The following PPP2R2B variants were observed in gnomAD, a reference collection of about 807,000 sequenced individuals.
PPP2R2B encodes the protein protein phosphatase 2 regulatory subunit Bbeta, also known as serine/threonine-protein phosphatase 2A 55 kDa regulatory subunit B beta isoform.
Under a neutral mutation model 46.0 loss-of-function variants are expected in PPP2R2B, and 5 were observed. That is an observed-to-expected ratio of 0.11 (90% CI 0.06 to 0.23). The LOEUF (loss-of-function observed/expected upper bound fraction) is 0.23, where lower values mean the gene tolerates loss of function less well. Ranked by LOEUF, PPP2R2B falls within the 10% of genes least tolerant of loss-of-function variation. The pLI, the probability that PPP2R2B is intolerant of heterozygous loss-of-function variation, is 1.00. For missense variants in PPP2R2B, 367 were observed against 575.0 expected, an observed-to-expected ratio of 0.64 and a Z score of 3.70; for synonymous variants, 215 against 206.7, an observed-to-expected ratio of 1.04 and a Z score of -0.34.
chr5:146,729,634 G>T (rs1752108593), intron 2 of PPP2R2B, among the ~76,000 whole-genome samples: 1 of 152,280 alleles, frequency 6.6e-6, no homozygotes, highest in African/African-American at 2.4e-5. Flanking sequence ...TTGGTGCCCT[G>T]TATCCCAGCT....
chr5:146,609,255 G>A (rs1026273056), intron 7 of PPP2R2B, among the ~76,000 whole-genome samples: 38 of 152,206 alleles, frequency 2.5e-4, no homozygotes, highest in African/African-American at 8.2e-4. Context: ...ACGCTGAATG[G>A]GGAAAAAACT....
chr5:146,687,948 T>C (rs1429751055), intron 5 of PPP2R2B, among the ~76,000 whole-genome samples: 1 of 152,206 alleles, frequency 6.6e-6, no homozygotes, highest in Non-Finnish European at 1.5e-5. Context: ...ACACAATTGC[T>C]GGCAATGCAC....
intron 2 of PPP2R2B, among the ~76,000 whole-genome samples, chr5:146,768,100 G>T (rs1172109211): frequency 1.3e-5 from 2 of 151,518 alleles, no homozygotes; most frequent in Non-Finnish European, 2.9e-5. Flanking sequence ...TTGAAACAGG[G>T]TCTTACTCCG....
At chr5:147,054,951 T>C (rs1373354618) in intron 1 of PPP2R2B, among the ~76,000 whole-genome samples, 3 of 152,264 alleles carry the variant, frequency 2.0e-5, no homozygotes, top group South Asian at 4.1e-4. Flanking sequence ...AGTGCTTAGT[T>C]GAAAGGGAAT....
At chr5:146,690,313 C>T (rs1486237874) in intron 5 of PPP2R2B, among the ~76,000 whole-genome samples, 6 of 152,192 alleles carry the variant, frequency 3.9e-5, no homozygotes, top group African/African-American at 1.2e-4. Context: ...CTTAAAAGAT[C>T]GCTTTGAGAA....
intron 5 of PPP2R2B, among the ~76,000 whole-genome samples, chr5:146,686,957 C>T (rs983616588): frequency 1.3e-5 from 2 of 151,694 alleles, no homozygotes; most frequent in African/African-American, 4.9e-5. Context: ...TGCATAGGGA[C>T]CTCAAGGCCT....
chr5:146,779,943 G>A (rs1582086645), intron 2 of PPP2R2B, among the ~76,000 whole-genome samples: 1 of 152,110 alleles, frequency 6.6e-6, no homozygotes. Flanking sequence ...ACGAATTTTG[G>A]TTTATGTTAG....
intron 2 of PPP2R2B, among the ~76,000 whole-genome samples, chr5:146,734,072 T>G (rs548528079): frequency 6.8e-6 from 1 of 146,932 alleles, no homozygotes; most frequent in South Asian, 2.1e-4. Context: ...TTTTTTTTTT[T>G]GAGACAGGGT....
intron 5 of PPP2R2B, among the ~76,000 whole-genome samples, chr5:146,687,891 A>T (rs927299410): frequency 6.6e-6 from 1 of 152,240 alleles, no homozygotes; most frequent in Non-Finnish European, 1.5e-5. Flanking sequence ...ACTGGAAACT[A>T]TGAAAGTGAG....
chr5:147,066,836 G>A (rs1757428271), intron 2 of PPP2R2B, among the ~76,000 whole-genome samples: 1 of 152,102 alleles, frequency 6.6e-6, no homozygotes, highest in South Asian at 2.1e-4. Flanking sequence ...GACCAGGGAA[G>A]CCAGGCTTCA....
At chr5:146,709,266 A>G (rs181539081) in intron 2 of PPP2R2B, among the ~76,000 whole-genome samples, 17 of 152,346 alleles carry the variant, frequency 1.1e-4, no homozygotes, top group Admixed American at 3.3e-4. Flanking sequence ...CTACTTAACC[A>G]TAAGTGCAGT....
intron 6 of PPP2R2B, among the ~76,000 whole-genome samples, chr5:146,648,050 G>C (rs1775702277): frequency 6.6e-6 from 1 of 152,192 alleles, no homozygotes; most frequent in Non-Finnish European, 1.5e-5. Context: ...AGACTAGCTA[G>C]CTGTGTACCA....
chr5:146,659,066 G>A (rs1776525727), intron 5 of PPP2R2B, among the ~76,000 whole-genome samples: 1 of 151,850 alleles, frequency 6.6e-6, no homozygotes, highest in African/African-American at 2.4e-5. Flanking sequence ...ATGATTTAGG[G>A]GAAATGCAAT....
rs1319313916 is a variant in PPP2R2B, at chr5:146,837,678, ATTG to A, written c.70+40321_70+40323del. Among the ~76,000 whole-genome samples the A allele has an allele frequency of 9.8e-5, 15 of 152,352 alleles. No homozygotes were observed. In the East Asian group the frequency reaches 2.9e-3, roughly 29 times the overall value. ...CACATGTAATCAATATCAAAACATT[ATTG>A]TTGAGATATTTTATATATTTTTTTG... On this transcript the variant is annotated intron_variant, in intron 2 of 9. Transcript: ENST00000394411.
chr5:147,010,959 C>T (rs551992351), intron 1 of PPP2R2B, among the ~76,000 whole-genome samples: 1 of 152,254 alleles, frequency 6.6e-6, no homozygotes, highest in Admixed American at 6.5e-5. Context: ...CCTTCAGAAA[C>T]CTGACTCAGG....
chr5:147,021,766 A>G (rs956561791), intron 1 of PPP2R2B, among the ~76,000 whole-genome samples: 1 of 152,218 alleles, frequency 6.6e-6, no homozygotes, highest in Non-Finnish European at 1.5e-5. Context: ...ATACTCAACA[A>G]CATAACATTA....
intron 1 of PPP2R2B, among the ~76,000 whole-genome samples, chr5:147,006,339 C>T (rs921999655): frequency 6.6e-5 from 10 of 152,122 alleles, no homozygotes; most frequent in African/African-American, 1.9e-4. Context: ...ATGGACTGAA[C>T]GAGGTCTTAT....
chr5:146,895,539 A>G (rs1401490869), intron 1 of PPP2R2B, among the ~76,000 whole-genome samples: 1 of 152,208 alleles, frequency 6.6e-6, no homozygotes, highest in African/African-American at 2.4e-5. Flanking sequence ...TAATCTCATC[A>G]GCAGTTTTTT....
chr5:146,930,000 T>C (rs1383088180), intron 1 of PPP2R2B, among the ~76,000 whole-genome samples: 1 of 152,170 alleles, frequency 6.6e-6, no homozygotes, highest in East Asian at 1.9e-4. Flanking sequence ...GGGATACAGA[T>C]TAGAAATCGG....
Sources: gnomAD v4.1 joint callset for allele counts (sites outside exome capture counted in the v4.1 genomes callset) on GRCh38, gnomAD v4.1.1 for gene constraint, MANE v1.5 for transcripts, NCBI Gene and HGNC (gene_info 2026-07-23, HGNC 2026-07-21) for gene names.